The following CENPU variants were observed in gnomAD, a reference collection of about 807,000 sequenced individuals.
CENPU encodes the protein centromere protein U.
A neutral mutation model predicts 56.7 loss-of-function variants in CENPU; 46 were observed. The ratio of observed to expected loss-of-function variants is 0.81; its 90% confidence interval spans 0.64 to 1.04. The LOEUF (loss-of-function observed/expected upper bound fraction) is 1.04, where lower values mean the gene tolerates loss of function less well. Among genes scored for constraint, CENPU ranks in the 50% least tolerant of loss-of-function variants. CENPU has a pLI of 0.00. For synonymous variants in CENPU, 166 were observed against 163.0 expected, an observed-to-expected ratio of 1.02 and a Z score of -0.14; for missense variants, 510 against 490.1, an observed-to-expected ratio of 1.04 and a Z score of -0.38.
Position 184,712,932 on chromosome 4 carries a change from A to T in CENPU, c.688+12T>A. ...CTGAATGAGTGACAAAGTATAAAAC[A>T]TCATTCTCTACCTGAGCCTATGGCT... On this transcript the variant is annotated intron_variant, in intron 7 of 12. Coordinates refer to ENST00000281453, the MANE Select transcript of CENPU (RefSeq NM_024629.4). 6.5e-7 allele frequency: 1 copy of T among 1,540,802 alleles called. No individual in the cohort carries two copies. Among genetic ancestry groups the T allele is most frequent in the Non-Finnish European group, 8.9e-7 (1 of 1,128,710 alleles).
intron 6 of CENPU, among the ~76,000 whole-genome samples, chr4:184,715,603 G>A (rs1035806723): frequency 6.6e-6 from 1 of 151,894 alleles, no homozygotes; most frequent in African/African-American, 2.4e-5. Context: ...ATGAGCCACC[G>A]TGCCCGCCTA....
rs776540319 is a variant in CENPU, at chr4:184,697,782, T to C, written c.1008A>G (p.Gln336=). The C allele has an allele frequency of 6.2e-7, 1 of 1,608,170 alleles. No homozygotes were observed. Among genetic ancestry groups the C allele is most frequent in the African/African-American group, 1.3e-5 (1 of 74,392 alleles). ...TAAGTTCATCATATTTTGTTTGTAGTTGTTTCAGCTGTGGCTCTAACCTAA... is the reference window on the plus strand; with the variant it reads ...TAAGTTCATCATATTTTGTTTGTAGCTGTTTCAGCTGTGGCTCTAACCTAA... ...ELLRLEPQLK[Q]LQTKYDELKE... Residue 336 remains glutamine, a synonymous_variant, in exon 12 of 13, where the codon CAA becomes CAG. Coordinates refer to ENST00000281453, the MANE Select transcript of CENPU (RefSeq NM_024629.4).
intron 3 of CENPU, 39 bp downstream of exon 3, chr4:184,728,879 C>CT (rs770021439): frequency 1.9e-5 from 28 of 1,462,314 alleles, no homozygotes; most frequent in Non-Finnish European, 2.6e-5. Flanking sequence ...AATGTTGTTG[C>CT]TTTAGAGTTA....
At chr4:184,701,241 GT>G (rs1760524954) in intron 10 of CENPU, among the ~76,000 whole-genome samples, 3 of 152,084 alleles carry the variant, frequency 2.0e-5, no homozygotes, top group African/African-American at 7.2e-5. Flanking sequence ...GATCCACTCT[GT>G]ATTTTAAAAG....
chr4:184,728,817 C>T (rs1761542241), intron 3 of CENPU, 101 bp downstream of exon 3: 1 of 819,934 alleles, frequency 1.2e-6, no homozygotes, highest in African/African-American at 1.7e-5. Context: ...TACATGCAGG[C>T]AACTAATTTT....
Position 184,725,067 on chromosome 4 carries a change from C to G in CENPU, c.215-5G>C. ...CTGTGCTATGTAAAGGAGGATCTTT[C>G]AAAAGACAAAAAAGAAGCACAACTT... On this transcript the variant is annotated splice_region_variant and splice_polypyrimidine_tract_variant and intron_variant, in intron 3 of 12. Coordinates refer to ENST00000281453, the MANE Select transcript of CENPU (RefSeq NM_024629.4). 3 of 1,573,680 alleles carry G rather than the reference C, an allele frequency of 1.9e-6. No homozygotes were observed. The highest frequency in any genetic ancestry group is 1.2e-5 in the South Asian group (1 of 86,928).
rs35102949 is a variant in CENPU, at chr4:184,702,375, T to C, written c.864A>G (p.Gln288=). Residue 288 remains glutamine, a synonymous_variant, in exon 9 of 13, where the codon CAA becomes CAG. Transcript: ENST00000281453. ...TCCGTGAGCTTACCATTTTGATGAA[T>C]TGTTCTTTAACATTAACATAAAATG... is the stretch of plus-strand genomic sequence containing the variant. ...IATFYVNVKE[Q]FIKMLKESQM... is the part of the protein sequence containing the mutation. 0.011 allele frequency: 17,333 copies of C among 1,612,120 alleles called. 1,475 individuals carry two copies. The African/African-American group carries it at 0.2, about 18-fold the overall frequency.
At chr4:184,709,211 G>A (rs1402781997) in intron 8 of CENPU, among the ~76,000 whole-genome samples, 5 of 152,232 alleles carry the variant, frequency 3.3e-5, no homozygotes, top group East Asian at 1.9e-4. Context: ...AAATCTGGCC[G>A]GGTGCAGTGG....
intron 4 of CENPU, among the ~76,000 whole-genome samples, chr4:184,721,247 T>G (rs1486313618): frequency 6.6e-6 from 1 of 151,248 alleles, no homozygotes; most frequent in Admixed American, 6.6e-5. Context: ...AAATAATAAA[T>G]ACAACAAATA....
At chr4:184,703,501 G>A (rs1277043399) in intron 8 of CENPU, among the ~76,000 whole-genome samples, 1 of 152,100 alleles carries the variant, frequency 6.6e-6, no homozygotes, top group African/African-American at 2.4e-5. Context: ...AAAACAACAA[G>A]TGTTGGTGAG....
chr4:184,728,438 C>T (rs1355336241), intron 3 of CENPU, among the ~76,000 whole-genome samples: 3 of 152,136 alleles, frequency 2.0e-5, no homozygotes, highest in African/African-American at 7.2e-5. Context: ...AGCAGCCCAC[C>T]CTGACAACTC....
rs571205408 is a variant in CENPU at position 184,700,888 on chromosome 4, AAC to A, written c.925-9_925-8del. 9.0e-4 allele frequency: 1,443 copies of A among 1,608,908 alleles called. 11 individuals carry two copies. The African/African-American group carries it at 0.018, about 20-fold the overall frequency. On this transcript the variant is annotated splice_region_variant and splice_polypyrimidine_tract_variant and intron_variant, in intron 10 of 12. Transcript: ENST00000281453. Reference sequence around the variant, plus strand: ...TTTCGATATCTGAAATCATCTAAGTAACACAATCATTTGTGTTAAAATTAATT... The same window carrying A: ...TTTCGATATCTGAAATCATCTAAGTAACAATCATTTGTGTTAAAATTAATT...
chr4:184,700,825 C>G lies in CENPU; in HGVS notation c.981G>C (p.Leu327=), dbSNP rs200306720. The G allele has an allele frequency of 3.7e-6, 6 of 1,613,490 alleles. No homozygotes were observed. Among genetic ancestry groups the G allele is most frequent in the East Asian group, 4.5e-5 (2 of 44,878 alleles). ...RQRMIEVQDE[L]LRLEPQLKQL... Reference sequence around the variant, plus strand: ...AGGATTTGACAGTATCTTACCGAAGCAGTTCATCCTGGACTTCAATCATAC... The same window carrying G: ...AGGATTTGACAGTATCTTACCGAAGGAGTTCATCCTGGACTTCAATCATAC... Residue 327 remains leucine (L), a synonymous_variant, in exon 11 of 13, where the codon CTG becomes CTC. Coordinates refer to ENST00000281453, the MANE Select transcript of CENPU (RefSeq NM_024629.4).
intron 8 of CENPU, among the ~76,000 whole-genome samples, chr4:184,708,359 A>G (rs1760801628): frequency 6.6e-6 from 1 of 151,984 alleles, no homozygotes; most frequent in Non-Finnish European, 1.5e-5. Context: ...GATTGAGGAA[A>G]TCTCCCAGTG....
intron 8 of CENPU, among the ~76,000 whole-genome samples, chr4:184,704,844 T>C (rs1218400855): frequency 6.6e-6 from 1 of 152,200 alleles, no homozygotes; most frequent in Non-Finnish European, 1.5e-5. Context: ...GTTCTAGAGA[T>C]GGGCTGCTTA....
chr4:184,697,594 T>C (rs776753255), intron 12 of CENPU, 53 bp downstream of exon 12: 2 of 1,542,040 alleles, frequency 1.3e-6, no homozygotes, highest in South Asian at 1.1e-5. Context: ...AGCATGAAAA[T>C]GCCCTCCCAC....
chr4:184,723,339 TTAA>T lies in CENPU; in HGVS notation c.320+1615_320+1617del, dbSNP rs139801767. On this transcript the variant is annotated intron_variant, in intron 4 of 12. Coordinates refer to ENST00000281453, the MANE Select transcript of CENPU (RefSeq NM_024629.4). ...AAATTCTGGAAGGACATATGAGAAA[TTAA>T]TAATAAGGGAGAGGGAAGAATCGGG... Among the ~76,000 whole-genome samples, 1,025 of 152,270 alleles carry T rather than the reference TTAA, an allele frequency of 6.7e-3. 17 individuals carry two copies. The highest frequency in any genetic ancestry group is 0.04 in the South Asian group (192 of 4,826).
chr4:184,713,162 G>A (rs142938151), intron 6 of CENPU, 149 bp from the exon 7 acceptor site: 273 of 536,264 alleles, frequency 5.1e-4, no homozygotes, highest in African/African-American at 4.6e-3. Context: ...AGGCTGAGGC[G>A]GGCAGATCAC....
intron 7 of CENPU, chr4:184,710,537 T>C (rs1760888100): frequency 6.2e-6 from 1 of 162,496 alleles, no homozygotes; most frequent in African/African-American, 2.4e-5. Context: ...TTAATCTATC[T>C]GATAGGCCAC....
Sources: gnomAD v4.1 joint callset for allele counts (sites outside exome capture counted in the v4.1 genomes callset) on GRCh38, gnomAD v4.1.1 for gene constraint, MANE v1.5 for transcripts, NCBI Gene and HGNC (gene_info 2026-07-23, HGNC 2026-07-21) for gene names.